The following ACVR1 variants were observed in gnomAD, a reference collection of about 807,000 sequenced individuals.
ACVR1 encodes the protein activin A receptor type 1, also known as activin receptor type-1.
Under a neutral mutation model 57.1 loss-of-function variants are expected in ACVR1, and 38 were observed. That is an observed-to-expected ratio of 0.67 (90% CI 0.51 to 0.87). ACVR1 has a LOEUF of 0.87. ACVR1 is among the 40% of genes least tolerant of loss of function. The pLI is 0.00. For synonymous variants in ACVR1, 212 were observed against 228.1 expected (o/e 0.93, Z 0.63); for missense variants, 463 against 638.2 (o/e 0.73, Z 2.96).
intron 3 of ACVR1, among the ~76,000 whole-genome samples, chr2:157,782,728 T>A (rs10497190): frequency 2.6e-5 from 4 of 152,028 alleles, no homozygotes; most frequent in Non-Finnish European, 5.9e-5. Context: ...GAGTTCATGG[T>A]GTCAGACTAA....
chr2:157,763,693 T>A (rs1685749808), intron 8 of ACVR1, among the ~76,000 whole-genome samples: 2 of 152,174 alleles, frequency 1.3e-5, no homozygotes. Context: ...GGCAACAGAA[T>A]AAGATCCTCT....
intron 3 of ACVR1, among the ~76,000 whole-genome samples, chr2:157,789,136 A>C (rs1301291776): frequency 2.6e-5 from 4 of 152,228 alleles, no homozygotes; most frequent in Non-Finnish European, 5.9e-5. Flanking sequence ...ACAATGAGAC[A>C]GTTAAATTTG....
At chr2:157,756,168 G>C (rs566273904) in intron 9 of ACVR1, among the ~76,000 whole-genome samples, 1 of 152,186 alleles carries the variant, frequency 6.6e-6, no homozygotes, top group East Asian at 1.9e-4. Flanking sequence ...ATCAACTTAA[G>C]ATGGATCAAG....
chr2:157,814,151 T>C (rs184805822), intron 2 of ACVR1, among the ~76,000 whole-genome samples: 328 of 152,326 alleles, frequency 2.2e-3, no homozygotes, highest in Non-Finnish European at 3.7e-3. Context: ...TTTAACTATA[T>C]AAAATTTGTA....
rs141949981 is a variant in ACVR1, at chr2:157,832,979, T to C, written c.-182-14420A>G. The stretch of plus-strand genomic sequence containing the variant: ...TTTCTAATGTGAAATTAATTCTTCA[T>C]AGCCATTTTAACACCATTCTCATTT... On this transcript the variant is annotated intron_variant, in intron 1 of 10. Coordinates refer to ENST00000434821, the MANE Select transcript of ACVR1 (RefSeq NM_001111067.4). Among the ~76,000 whole-genome samples the C allele has an allele frequency of 7.5e-3, 1,142 of 152,328 alleles. 16 individuals carry two copies. Among genetic ancestry groups the C allele is most frequent in the African/African-American group, 0.026 (1,095 of 41,566 alleles).
chr2:157,786,190 C>T (rs72999417), intron 3 of ACVR1, among the ~76,000 whole-genome samples: 3,690 of 152,214 alleles, frequency 0.024, 159 homozygotes, highest in African/African-American at 0.084. Context: ...AAGTAGGAAC[C>T]CCCCTTTAGC....
At chr2:157,746,857 T>A (rs1177218002) in intron 9 of ACVR1, among the ~76,000 whole-genome samples, 1 of 152,216 alleles carries the variant, frequency 6.6e-6, no homozygotes, top group African/African-American at 2.4e-5. Flanking sequence ...ACACCAAAAG[T>A]AAATTCCAAA....
intron 9 of ACVR1, among the ~76,000 whole-genome samples, chr2:157,742,181 C>T (rs193052872): frequency 1.3e-5 from 2 of 152,264 alleles, no homozygotes; most frequent in South Asian, 2.1e-4. Context: ...TGCCAGAAAG[C>T]GATAATCAGC....
chr2:157,748,430 C>A (rs934229339), intron 9 of ACVR1, among the ~76,000 whole-genome samples: 1 of 152,038 alleles, frequency 6.6e-6, no homozygotes, highest in Non-Finnish European at 1.5e-5. Context: ...ATTTTCAGTT[C>A]GAAGGTGTTT....
chr2:157,865,284 T>C (rs937334999), intron 1 of ACVR1, among the ~76,000 whole-genome samples: 1 of 152,156 alleles, frequency 6.6e-6, no homozygotes, highest in African/African-American at 2.4e-5. Flanking sequence ...GGCCACACAA[T>C]TGGTTTACAC....
At chr2:157,856,704 C>T (rs1173544421) in intron 1 of ACVR1, among the ~76,000 whole-genome samples, 1 of 152,102 alleles carries the variant, frequency 6.6e-6, no homozygotes, top group Non-Finnish European at 1.5e-5. Flanking sequence ...TGGGCCGCTT[C>T]CACTATAGAT....
intron 9 of ACVR1, 62 bp from the exon 10 acceptor site, chr2:157,738,632 C>T (rs1684633690): frequency 1.2e-6 from 2 of 1,611,174 alleles, no homozygotes; most frequent in African/African-American, 2.7e-5. Flanking sequence ...CCCAAGGTTT[C>T]ATTGATGGGT....
At chr2:157,781,847 C>T (rs1686536041) in intron 3 of ACVR1, among the ~76,000 whole-genome samples, 1 of 152,228 alleles carries the variant, frequency 6.6e-6, no homozygotes, top group African/African-American at 2.4e-5. Context: ...AAAATGTAAA[C>T]AGCCAAGTCC....
intron 1 of ACVR1, among the ~76,000 whole-genome samples, chr2:157,855,304 GTGTGTATATA>G (rs1389430759): frequency 9.7e-5 from 6 of 61,716 alleles, no homozygotes; most frequent in Admixed American, 1.7e-4. Flanking sequence ...GTGTGTGTGT[GTGTGTATATA>G]TATATATATA....
At chr2:157,832,802 A>C (rs928425936) in intron 1 of ACVR1, among the ~76,000 whole-genome samples, 1 of 152,164 alleles carries the variant, frequency 6.6e-6, no homozygotes, top group African/African-American at 2.4e-5. Flanking sequence ...AAGCCTCAAG[A>C]TTCCACACCT....
intron 1 of ACVR1, among the ~76,000 whole-genome samples, chr2:157,859,705 A>C (rs1223300554): frequency 6.6e-6 from 1 of 152,074 alleles, no homozygotes; most frequent in African/African-American, 2.4e-5. Context: ...GAAATCTGCA[A>C]TATCCTTTCC....
At chr2:157,780,680 C>T in intron 3 of ACVR1, 80 bp from the exon 4 acceptor site, 1 of 1,509,240 alleles carries the variant, frequency 6.6e-7, no homozygotes, top group Non-Finnish European at 9.0e-7. Flanking sequence ...GAGGGAATGA[C>T]CATTCCAAAC....
chr2:157,763,251 G>T (rs1173367144), intron 8 of ACVR1, among the ~76,000 whole-genome samples: 1 of 152,302 alleles, frequency 6.6e-6, no homozygotes, highest in South Asian at 2.1e-4. Context: ...GAATTTTGAA[G>T]TATTGAGGGG....
At chr2:157,772,038 T>C (rs1408692296) in intron 6 of ACVR1, among the ~76,000 whole-genome samples, 1 of 152,218 alleles carries the variant, frequency 6.6e-6, no homozygotes, top group African/African-American at 2.4e-5. Context: ...GAGCAAAATA[T>C]CCCAGGGAAT....
Sources: allele counts gnomAD v4.1 joint callset (sites outside exome capture counted in the v4.1 genomes callset), GRCh38; gene constraint gnomAD v4.1.1; transcripts MANE v1.5; gene names NCBI Gene and HGNC (gene_info 2026-07-23, HGNC 2026-07-21).